ATP6V1H: variants seen among roughly 807,000 people sequenced by gnomAD.
ATP6V1H encodes ATPase H+ transporting V1 subunit H.
A neutral mutation model predicts 71.7 loss-of-function variants in ATP6V1H; 39 were observed. The ratio of observed to expected loss-of-function variants is 0.54; its 90% CI spans 0.42 to 0.71. The LOEUF (loss-of-function observed/expected upper bound fraction) is 0.71, where lower values mean the gene tolerates loss of function less well. Ranked by LOEUF, ATP6V1H falls within the 30% of genes least tolerant of loss-of-function variation. The pLI, the probability that ATP6V1H is intolerant of heterozygous loss-of-function variation, is 0.00. For missense variants in ATP6V1H, 509 were observed against 594.9 expected, an observed-to-expected ratio of 0.86 and a Z score of 1.50; for synonymous variants, 192 against 199.3, an observed-to-expected ratio of 0.96 and a Z score of 0.31.
Position 53,715,777 on chromosome 8 carries a change from C to T in ATP6V1H, c.*187G>A, listed in dbSNP as rs189991533. On this transcript the variant is annotated 3_prime_UTR_variant, in exon 14 of 14. Coordinates refer to ENST00000359530, the MANE Select transcript of ATP6V1H (RefSeq NM_015941.4). ...AATATTTTCTTTAAATACAGAATCA[C>T]CTACTTTTATACAACTTAACAGGCA... 8.9e-4 allele frequency: 425 copies of T among 478,934 alleles called. 2 individuals are homozygous for T. The highest frequency in any genetic ancestry group is 6.1e-3 in the African/African-American group (310 of 50,908). The allele number at this position is 478,934 out of a possible 1,614,324, so 29.7% of individuals were successfully genotyped here. A position where few individuals can be genotyped will look rare whatever the true frequency, so the allele number is the denominator to read the frequency against.
chr8:53,798,610 AACACACACACACACAC>A (rs59831761), intron 8 of ATP6V1H, among the ~76,000 whole-genome samples: 1 of 148,452 alleles, frequency 6.7e-6, no homozygotes, highest in African/African-American at 2.5e-5. Flanking sequence ...CAATGTGAGA[AACACACACACACACAC>A]ACACACACAC....
chr8:53,730,095 T>G (rs1806966130), intron 13 of ATP6V1H, among the ~76,000 whole-genome samples: 1 of 152,166 alleles, frequency 6.6e-6, no homozygotes, highest in South Asian at 2.1e-4. Context: ...GTGAACAGCC[T>G]GGCTATGAAT....
rs187581907 is a variant in ATP6V1H, at chr8:53,794,390, G to C, written c.870+1257C>G. Among the ~76,000 whole-genome samples the C allele has an allele frequency of 5.9e-5, 9 of 151,648 alleles. No individual in the cohort carries two copies. In the East Asian group the frequency reaches 1.7e-3, roughly 29 times the overall value. ...ATTTTACTTTATTTTTTTTGATATG[G>C]AGTCTCACTCTGTCGCCCAGGCTGG... On this transcript the variant is annotated intron_variant, in intron 9 of 13. Coordinates refer to ENST00000359530, the MANE Select transcript of ATP6V1H (RefSeq NM_015941.4).
chr8:53,816,354 C>T (rs1810449265), intron 5 of ATP6V1H, among the ~76,000 whole-genome samples: 1 of 152,226 alleles, frequency 6.6e-6, no homozygotes, highest in Non-Finnish European at 1.5e-5. Context: ...CACATGCCCC[C>T]AACAGCTCCT....
chr8:53,741,867 T>C (rs1445552951), intron 13 of ATP6V1H, among the ~76,000 whole-genome samples: 2 of 152,178 alleles, frequency 1.3e-5, no homozygotes. Context: ...CATCTACTTC[T>C]TATCTCAATG....
In ATP6V1H at chr8:53,769,722, T is replaced by C. The variant is rs1808589115; in HGVS notation, c.1071A>G (p.Ser357=). ...QDLSSFDEYS[S]ELKSGRLEWS... ...ATTCCAACCTTCCAGATTTAAGTTC[T>C]GAACTGTATTCATCAAATGAACTAT... The change falls in exon 11 of 14, where the codon TCA becomes TCG. Residue 357 remains serine, a synonymous_variant. Coordinates refer to ENST00000359530, the MANE Select transcript of ATP6V1H (RefSeq NM_015941.4). The C allele has an allele frequency of 1.2e-6, 2 of 1,611,146 alleles. No homozygotes were observed. The highest frequency in any genetic ancestry group is 1.7e-6 in the Non-Finnish European group (2 of 1,178,508).
intron 2 of ATP6V1H, among the ~76,000 whole-genome samples, chr8:53,840,121 G>T (rs1811294563): frequency 6.6e-6 from 1 of 152,154 alleles, no homozygotes; most frequent in African/African-American, 2.4e-5. Flanking sequence ...GCCCCTTCAG[G>T]AAAATTTCCA....
chr8:53,756,065 TTTTC>T (rs1442641194), intron 12 of ATP6V1H, among the ~76,000 whole-genome samples: 5 of 138,810 alleles, frequency 3.6e-5, no homozygotes, highest in South Asian at 4.6e-4. Flanking sequence ...ATTCTTTTTC[TTTTC>T]TTTTTTTTTT....
intron 9 of ATP6V1H, among the ~76,000 whole-genome samples, chr8:53,784,345 G>A (rs1809288730): frequency 6.6e-6 from 1 of 152,198 alleles, no homozygotes; most frequent in Non-Finnish European, 1.5e-5. Flanking sequence ...TTTTATCAGA[G>A]ACTAGGATTG....
At chr8:53,791,129 C>T (rs1445262267) in intron 9 of ATP6V1H, among the ~76,000 whole-genome samples, 1 of 151,946 alleles carries the variant, frequency 6.6e-6, no homozygotes. Context: ...AGCATTAAGC[C>T]CTCAGAGAAT....
Position 53,756,659 on chromosome 8 carries a change from G to GA in ATP6V1H, c.1176-4dup. On this transcript the variant is annotated splice_region_variant and splice_polypyrimidine_tract_variant and intron_variant, in intron 11 of 13. Transcript: ENST00000359530. ...CTTCCAAAAGTTTTGTCAAGATTCT[G>GA]AAATAAATTTTATCCAAAGAGAGAT... is the stretch of plus-strand genomic sequence containing the variant. 6.2e-7 allele frequency: 1 copy of GA among 1,608,146 alleles called. No individual in the cohort carries two copies. The highest frequency in any genetic ancestry group is 8.5e-7 in the Non-Finnish European group (1 of 1,175,180).
At chr8:53,783,573 C>G (rs1445351972) in intron 9 of ATP6V1H, among the ~76,000 whole-genome samples, 1 of 152,082 alleles carries the variant, frequency 6.6e-6, no homozygotes, top group Admixed American at 6.5e-5. Flanking sequence ...TTATTTCTTG[C>G]CTTCTGCTAG....
At position 53,832,225 on chromosome 8, in the gene ATP6V1H, T is replaced by C. The variant is rs1055171010; in HGVS notation, c.216+759A>G. On this transcript the variant is annotated intron_variant, in intron 3 of 13. Coordinates refer to ENST00000359530, the MANE Select transcript of ATP6V1H (RefSeq NM_015941.4). ...AGAAATAAGTGTATAAGTTATTTTATGCACAGAAAAATATCTAGAGAGGTA... is the reference window on the plus strand; with the variant it reads ...AGAAATAAGTGTATAAGTTATTTTACGCACAGAAAAATATCTAGAGAGGTA... 5 of 152,184 alleles carry C rather than the reference T, an allele frequency of 3.3e-5. No homozygotes were observed. In the East Asian group the frequency reaches 9.6e-4, roughly 29 times the overall value. The allele number at this position is 152,184 out of a possible 1,614,324, so 9.4% of individuals were successfully genotyped here.
At chr8:53,769,952 C>T (rs1808597094) in intron 10 of ATP6V1H, among the ~76,000 whole-genome samples, 1 of 152,042 alleles carries the variant, frequency 6.6e-6, no homozygotes, top group South Asian at 2.1e-4. Flanking sequence ...AGGTCCAACC[C>T]TCCTGTCAAA....
intron 13 of ATP6V1H, among the ~76,000 whole-genome samples, chr8:53,738,889 G>A (rs1457912883): frequency 2.0e-5 from 3 of 152,162 alleles, no homozygotes; most frequent in African/African-American, 7.2e-5. Flanking sequence ...AGTTGATAGT[G>A]AGATAACAGC....
At chr8:53,817,679 G>A in intron 4 of ATP6V1H, 149 bp from the exon 5 acceptor site, 1 of 541,518 alleles carries the variant, frequency 1.8e-6, no homozygotes, top group Non-Finnish European at 3.3e-6. Context: ...TTACTACGGG[G>A]CAGGGGGTAG....
intron 2 of ATP6V1H, among the ~76,000 whole-genome samples, chr8:53,837,472 T>C (rs1811194580): frequency 6.7e-6 from 1 of 149,336 alleles, no homozygotes; most frequent in South Asian, 2.1e-4. Context: ...CATGTTATAA[T>C]GCTAAGGCTG....
chr8:53,778,473 A>C (rs996104207), intron 9 of ATP6V1H, among the ~76,000 whole-genome samples: 11 of 152,054 alleles, frequency 7.2e-5, no homozygotes, highest in Admixed American at 6.6e-4. Flanking sequence ...AACCAATCTC[A>C]CTTCATCCCC....
chr8:53,732,658 C>CAAAAA (rs576194964), intron 13 of ATP6V1H, among the ~76,000 whole-genome samples: 1 of 93,882 alleles, frequency 1.1e-5, no homozygotes. Context: ...CAGCTTATTG[C>CAAAAA]AAAAAAAAAA....
Sources: gnomAD v4.1 joint callset for allele counts (sites outside exome capture counted in the v4.1 genomes callset) on GRCh38, gnomAD v4.1.1 for gene constraint, MANE v1.5 for transcripts, NCBI Gene and HGNC (gene_info 2026-07-23, HGNC 2026-07-21) for gene names.